Variants in CNKSR2 observed in about 807,000 individuals in gnomAD.
CNKSR2 encodes connector enhancer of kinase suppressor of Ras 2.
In CNKSR2, 14 loss-of-function variants were observed where a neutral mutation model predicts 84.4. The observed-to-expected ratio is 0.17, with a 90% confidence interval of 0.11 to 0.26. CNKSR2 has a LOEUF of 0.26. Ranked by LOEUF, CNKSR2 falls within the 10% of genes least tolerant of loss-of-function variation. The pLI, the probability that CNKSR2 is intolerant of heterozygous loss-of-function variation, is 1.00. For missense variants in CNKSR2, 485 were observed against 771.2 expected, an observed-to-expected ratio of 0.63 and a Z score of 4.40; for synonymous variants, 275 against 277.9, an observed-to-expected ratio of 0.99 and a Z score of 0.10.
intron 4 of CNKSR2, among the ~76,000 whole-genome samples, chrX:21,454,089 T>C (rs1454839424): frequency 9.0e-6 from 1 of 111,678 alleles, no homozygotes; most frequent in Admixed American, 9.5e-5. Context: ...CTTTAGTTCC[T>C]CTCATCCTTC....
chrX:21,621,346 G>A (rs191692962), intron 20 of CNKSR2, among the ~76,000 whole-genome samples: 24 of 111,232 alleles, frequency 2.2e-4, no homozygotes, highest in Non-Finnish European at 4.2e-4. Flanking sequence ...TTTAATCTAA[G>A]TGCAGCTATT....
chrX:21,423,290 A>G (rs1479227519), intron 1 of CNKSR2: 2 of 111,228 alleles, frequency 1.8e-5, no homozygotes, highest in African/African-American at 6.5e-5. Context: ...TTGGGTTTAG[A>G]CCTTGCCTTA....
intron 9 of CNKSR2, among the ~76,000 whole-genome samples, chrX:21,525,913 A>G (rs891732252): frequency 2.7e-5 from 3 of 110,880 alleles, no homozygotes; most frequent in African/African-American, 9.8e-5. Context: ...TTAATGTGTT[A>G]ATTGTATACA....
intron 1 of CNKSR2, among the ~76,000 whole-genome samples, chrX:21,419,877 C>T (rs1021239212): frequency 6.1e-4 from 68 of 112,135 alleles, no homozygotes; most frequent in African/African-American, 2.1e-3. Flanking sequence ...TTGCTCAAGT[C>T]CTGCTTTAAC....
intron 13 of CNKSR2, among the ~76,000 whole-genome samples, chrX:21,582,059 G>A (rs2092356818): frequency 9.0e-6 from 1 of 111,422 alleles, no homozygotes; most frequent in South Asian, 3.8e-4. Flanking sequence ...TGTAATTGCA[G>A]TCCCATCTCT....
chrX:21,649,120 G>A, intron 21 of CNKSR2, 93 bp downstream of exon 21: 1 of 644,731 alleles, frequency 1.6e-6, no homozygotes, highest in East Asian at 3.4e-5. Context: ...ACAAATTGGG[G>A]GCTGGGGAGA....
intron 8 of CNKSR2, among the ~76,000 whole-genome samples, chrX:21,513,790 G>A (rs377346675): frequency 8.9e-6 from 1 of 111,970 alleles, no homozygotes; most frequent in Non-Finnish European, 1.9e-5. Flanking sequence ...TTAAATAGTA[G>A]TGTTGCCTTT....
chrX:21,460,612 T>G (rs2091049605), intron 4 of CNKSR2, among the ~76,000 whole-genome samples: 1 of 111,724 alleles, frequency 9.0e-6, no homozygotes, highest in Non-Finnish European at 1.9e-5. Flanking sequence ...AGTCACACTG[T>G]TGTGCTATCA....
intron 20 of CNKSR2, among the ~76,000 whole-genome samples, chrX:21,618,321 C>T (rs1223865636): frequency 1.8e-5 from 2 of 111,489 alleles, no homozygotes; most frequent in African/African-American, 6.5e-5. Context: ...GTCTTAATAA[C>T]ATAATCTATT....
At chrX:21,492,198 C>CA (rs1330112215) in intron 6 of CNKSR2, 1 of 111,239 alleles carries the variant, frequency 9.0e-6, no homozygotes, top group East Asian at 2.8e-4. Context: ...TAAGTCAAAA[C>CA]AATGCTAATT....
chrX:21,563,110 C>T, intron 12 of CNKSR2, 128 bp from the exon 13 acceptor site: 1 of 480,259 alleles, frequency 2.1e-6, no homozygotes, highest in Non-Finnish European at 3.4e-6. Flanking sequence ...AATTGCGGTT[C>T]TTGCAATTAA....
rs1231951103 is a variant in CNKSR2, at chrX:21,516,674, A to G, written c.957+43A>G. ...TAAGTCATACACCATCATTTTAGCC[A>G]TAGATTATCTCAGTAATGCTTCTTT... On this transcript the variant is annotated intron_variant, in intron 9 of 21. Coordinates refer to ENST00000379510, the MANE Select transcript of CNKSR2 (RefSeq NM_014927.5). 16 of 1,118,966 alleles carry G rather than the reference A, an allele frequency of 1.4e-5. No homozygotes were observed. The East Asian group carries it at 4.5e-4, about 32-fold the overall frequency. 92.2% of individuals were successfully genotyped at this position (1,118,966 alleles called of 1,213,427 possible).
chrX:21,453,927 G>A (rs1332585759), intron 4 of CNKSR2, among the ~76,000 whole-genome samples: 1 of 111,349 alleles, frequency 9.0e-6, no homozygotes, highest in Non-Finnish European at 1.9e-5. Context: ...CAGCAAGGGG[G>A]AAACACACCT....
intron 4 of CNKSR2, among the ~76,000 whole-genome samples, chrX:21,451,734 A>T (rs1462907502): frequency 9.7e-6 from 1 of 103,456 alleles, no homozygotes; most frequent in Non-Finnish European, 2.0e-5. Context: ...GCATTAGGAG[A>T]TATACCTAAT....
intron 13 of CNKSR2, among the ~76,000 whole-genome samples, chrX:21,571,101 T>C (rs754571843): frequency 1.6e-4 from 18 of 112,541 alleles, no homozygotes; most frequent in African/African-American, 5.5e-4. Flanking sequence ...AAGTCCTAGA[T>C]GGCATCATCT....
chrX:21,640,896 G>A (rs1184449904), intron 20 of CNKSR2, among the ~76,000 whole-genome samples: 1 of 112,067 alleles, frequency 8.9e-6, no homozygotes, highest in Non-Finnish European at 1.9e-5. Context: ...CTTATGCTCA[G>A]GTGTAAAGTC....
intron 5 of CNKSR2, among the ~76,000 whole-genome samples, chrX:21,484,313 AAC>A (rs933827460): frequency 3.6e-5 from 4 of 111,601 alleles, no homozygotes; most frequent in Non-Finnish European, 7.5e-5. Context: ...AACAAAACAA[AAC>A]AAAACAAAAC....
intron 20 of CNKSR2, chrX:21,641,712 C>T: frequency 1.9e-6 from 2 of 1,078,612 alleles, no homozygotes; most frequent in Non-Finnish European, 2.4e-6. Flanking sequence ...ATGGCCTCGT[C>T]CTTGCTGTTT....
At chrX:21,383,123 G>A (rs373120520) in intron 1 of CNKSR2, among the ~76,000 whole-genome samples, 1 of 112,208 alleles carries the variant, frequency 8.9e-6, no homozygotes, top group South Asian at 3.6e-4. Flanking sequence ...AACACCATCA[G>A]GCTTAAATGC....
Sources: gnomAD v4.1 joint callset for allele counts (sites outside exome capture counted in the v4.1 genomes callset) on GRCh38, gnomAD v4.1.1 for gene constraint, MANE v1.5 for transcripts, NCBI Gene and HGNC (gene_info 2026-07-23, HGNC 2026-07-21) for gene names.